DCAF8L2: variants seen among roughly 807,000 people sequenced by gnomAD.
The protein encoded by DCAF8L2 is DDB1 and CUL4 associated factor 8 like 2, also known as DDB1- and CUL4-associated factor 8-like protein 2.
For missense variants in DCAF8L2, 430 were observed against 490.7 expected (o/e 0.88, Z 1.17); for synonymous variants, 200 against 190.9 (o/e 1.05, Z -0.39).
At chrX:27,492,232 T>C in the DCAF8L2 span, among the ~76,000 whole-genome samples, 1 of 112,179 alleles carries the variant, frequency 8.9e-6, no homozygotes. Context: ...CTGTAGCCTT[T>C]ATCACAACAT....
the DCAF8L2 span, among the ~76,000 whole-genome samples, chrX:27,514,260 T>C: frequency 8.7e-3 from 322 of 37,034 alleles, 12 homozygotes; most frequent in African/African-American, 0.014. Context: ...TACATATATG[T>C]GTGCATATGT....
the DCAF8L2 span, among the ~76,000 whole-genome samples, chrX:27,490,706 C>T: frequency 4.5e-5 from 5 of 111,132 alleles, no homozygotes; most frequent in African/African-American, 1.6e-4. Flanking sequence ...ATAATCCGCC[C>T]ACCTCGGCTT....
chrX:27,578,039 C>T, the DCAF8L2 span, among the ~76,000 whole-genome samples: 2 of 110,983 alleles, frequency 1.8e-5, no homozygotes, highest in African/African-American at 6.6e-5. Context: ...TAGAGAATTA[C>T]AAAAAACAAC....
chrX:27,686,953 A>G (rs1446696847), intron 3 of DCAF8L2, among the ~76,000 whole-genome samples: 1 of 112,084 alleles, frequency 8.9e-6, no homozygotes, highest in Non-Finnish European at 1.9e-5. Flanking sequence ...TCACGCTTCT[A>G]TGAGAATCTA....
intron 2 of DCAF8L2, among the ~76,000 whole-genome samples, chrX:27,674,436 C>A (rs934237843): frequency 4.5e-5 from 5 of 110,857 alleles, no homozygotes; most frequent in African/African-American, 1.6e-4. Flanking sequence ...AAAACTAGGG[C>A]CTAAAGGTTG....
At chrX:27,740,570 T>C (rs1921789626) in intron 4 of DCAF8L2, among the ~76,000 whole-genome samples, 1 of 112,031 alleles carries the variant, frequency 8.9e-6, no homozygotes, top group Non-Finnish European at 1.9e-5. Context: ...TCCAATCTCA[T>C]TGCCTGTCAC....
chrX:27,650,806 T>A (rs1186765802), intron 2 of DCAF8L2, among the ~76,000 whole-genome samples: 1 of 108,588 alleles, frequency 9.2e-6, no homozygotes, highest in Non-Finnish European at 1.9e-5. Context: ...TGACTGATTG[T>A]TCTGTCAAGG....
chrX:27,587,985 A>AAAAAAAAAATATATATATATATATATAT, upstream of DCAF8L2, among the ~76,000 whole-genome samples: 1 of 22,369 alleles, frequency 4.5e-5, no homozygotes, highest in African/African-American at 9.8e-5. Context: ...TAAAAAAAAA[A>AAAAAAAAAATATATATATATATATATAT]ATATATATAT....
chrX:27,538,385 TTTTA>T, the DCAF8L2 span, among the ~76,000 whole-genome samples: 2 of 110,320 alleles, frequency 1.8e-5, no homozygotes, highest in Non-Finnish European at 1.9e-5. Context: ...CAACAAAAAT[TTTTA>T]TTTATTTATT....
intron 1 of DCAF8L2, among the ~76,000 whole-genome samples, chrX:27,630,859 T>C (rs1042088363): frequency 8.9e-6 from 1 of 112,344 alleles, no homozygotes; most frequent in African/African-American, 3.2e-5. Flanking sequence ...GGCCGTCTTA[T>C]TGCTGCCTCG....
chrX:27,672,178 T>C (rs1324224938), intron 2 of DCAF8L2, among the ~76,000 whole-genome samples: 1 of 111,912 alleles, frequency 8.9e-6, no homozygotes, highest in Admixed American at 9.5e-5. Flanking sequence ...ATATTTACTG[T>C]AAAATAATCT....
intron 2 of DCAF8L2, among the ~76,000 whole-genome samples, chrX:27,648,566 A>AT (rs1227910110): frequency 1.8e-5 from 2 of 108,264 alleles, no homozygotes; most frequent in African/African-American, 6.7e-5. Flanking sequence ...ACTTTTTGGA[A>AT]TTGCATACAG....
At chrX:27,483,010 A>G in the DCAF8L2 span, among the ~76,000 whole-genome samples, 1 of 111,674 alleles carries the variant, frequency 9.0e-6, no homozygotes, top group Non-Finnish European at 1.9e-5. Context: ...ATTCAGTGGT[A>G]ACATAAAACC....
At chrX:27,604,405 A>G (rs1291891227) in intron 1 of DCAF8L2, among the ~76,000 whole-genome samples, 1 of 111,119 alleles carries the variant, frequency 9.0e-6, no homozygotes, top group East Asian at 2.8e-4. Context: ...TCCAGATCTC[A>G]TATCATATCA....
chrX:27,483,749 T>C, the DCAF8L2 span, among the ~76,000 whole-genome samples: 5 of 110,953 alleles, frequency 4.5e-5, no homozygotes, highest in East Asian at 1.4e-3. Context: ...TTATACACCA[T>C]TTATACACCA....
chrX:27,471,781 C>A, the DCAF8L2 span, among the ~76,000 whole-genome samples: 1 of 111,483 alleles, frequency 9.0e-6, no homozygotes, highest in African/African-American at 3.3e-5. Context: ...AAAGATAGGT[C>A]TCGGCCCATC....
chrX:27,679,680 A>G (rs1451396897), intron 3 of DCAF8L2, among the ~76,000 whole-genome samples: 1 of 111,543 alleles, frequency 9.0e-6, no homozygotes, highest in Non-Finnish European at 1.9e-5. Flanking sequence ...ACTTTGCTAC[A>G]GAAGTCTTGG....
the DCAF8L2 span, among the ~76,000 whole-genome samples, chrX:27,487,447 A>C: frequency 9.1e-6 from 1 of 110,480 alleles, no homozygotes; most frequent in African/African-American, 3.3e-5. Context: ...ACACCCTGCT[A>C]CATTTTTGTC....
rs555685261 is a variant in DCAF8L2 at position 27,598,620 on chromosome X, C to T, written c.-342+8180C>T. ...GCCTTTGTTCTCGCTTCTGCAAGTA[C>T]GCTTCCTGCATGCAGCACGTAACCC... On this transcript the variant is annotated intron_variant, in intron 1 of 4. Coordinates refer to ENST00000451261, the MANE Select transcript of DCAF8L2 (RefSeq NM_001353450.2). Among the ~76,000 whole-genome samples, 22 of 112,072 alleles carry T rather than the reference C, an allele frequency of 2.0e-4. No homozygotes were observed. The South Asian group carries it at 4.8e-3, about 24-fold the overall frequency.
Sources: allele counts gnomAD v4.1 joint callset (sites outside exome capture counted in the v4.1 genomes callset), GRCh38; gene constraint gnomAD v4.1.1; transcripts MANE v1.5; gene names NCBI Gene and HGNC (gene_info 2026-07-23, HGNC 2026-07-21).